The following CNTLN variants were observed in gnomAD, a reference collection of about 807,000 sequenced individuals.
CNTLN encodes centlein, centrosomal protein.
In CNTLN, 212 loss-of-function variants were observed where a neutral mutation model predicts 180.0. That is an observed-to-expected ratio of 1.18 (90% CI 1.05 to 1.32). The LOEUF is 1.32. CNTLN is among the 40% of genes most tolerant of loss of function. CNTLN has a pLI of 0.00. For synonymous variants in CNTLN, 722 were observed against 563.1 expected (o/e 1.28, Z -3.99); for missense variants, 2,095 against 1,610.9 (o/e 1.30, Z -5.14).
At chr9:17,241,501 T>C (rs766282283) in intron 5 of CNTLN, among the ~76,000 whole-genome samples, 13 of 152,074 alleles carry the variant, frequency 8.5e-5, no homozygotes, top group Non-Finnish European at 1.5e-4. Flanking sequence ...ATTCCTCCAG[T>C]TTTGTTCTTT....
In CNTLN at chr9:17,356,989, T is replaced by C. The variant is rs188960317; in HGVS notation, c.1887-9628T>C. ...GGTGAGAATGTATTATGAGTGTGTG[T>C]GTGTATATATACATATTTGTTTCTC... On this transcript the variant is annotated intron_variant, in intron 12 of 25. Transcript: ENST00000380647. 9.7e-4 allele frequency among the ~76,000 whole-genome samples: 147 copies of C among 152,220 alleles called. 1 individual carries two copies. Among genetic ancestry groups the C allele is most frequent in the African/African-American group, 3.4e-3 (143 of 41,546 alleles).
At chr9:17,307,734 G>A (rs992288338) in intron 7 of CNTLN, among the ~76,000 whole-genome samples, 1 of 151,882 alleles carries the variant, frequency 6.6e-6, no homozygotes, top group African/African-American at 2.4e-5. Context: ...TTTAAAAAAC[G>A]GAGGTAAACA....
At chr9:17,278,049 C>T (rs1158593355) in intron 6 of CNTLN, among the ~76,000 whole-genome samples, 1 of 152,088 alleles carries the variant, frequency 6.6e-6, no homozygotes, top group Non-Finnish European at 1.5e-5. Context: ...GACCAATAAC[C>T]TTAGACAGAG....
intron 18 of CNTLN, among the ~76,000 whole-genome samples, chr9:17,427,800 G>C (rs1466313874): frequency 6.6e-6 from 1 of 152,118 alleles, no homozygotes; most frequent in Non-Finnish European, 1.5e-5. Flanking sequence ...TACCATAGTA[G>C]TCATCTTTCC....
chr9:17,362,973 G>T (rs1022440384), intron 12 of CNTLN, among the ~76,000 whole-genome samples: 28 of 152,218 alleles, frequency 1.8e-4, no homozygotes, highest in Admixed American at 1.2e-3. Context: ...CCACTTATGA[G>T]TGAGAAAATG....
chr9:17,178,579 A>T (rs1193934387), intron 2 of CNTLN, among the ~76,000 whole-genome samples: 5 of 152,016 alleles, frequency 3.3e-5, no homozygotes, highest in Non-Finnish European at 7.4e-5. Flanking sequence ...CCCCACAGGG[A>T]GGCAGCTAAG....
intron 15 of CNTLN, among the ~76,000 whole-genome samples, chr9:17,399,115 C>T (rs1317799733): frequency 6.6e-6 from 1 of 152,196 alleles, no homozygotes; most frequent in South Asian, 2.1e-4. Flanking sequence ...TTTCCCTTAT[C>T]ACTTCTTTAA....
At chr9:17,429,428 A>G (rs4961561) in intron 18 of CNTLN, among the ~76,000 whole-genome samples, 7,987 of 152,108 alleles carry the variant, frequency 0.053, 496 homozygotes, top group East Asian at 0.26. Flanking sequence ...TTCTTCAATT[A>G]ATCATCTTCA....
intron 13 of CNTLN, among the ~76,000 whole-genome samples, chr9:17,373,361 G>C (rs1824486307): frequency 6.6e-6 from 1 of 152,004 alleles, no homozygotes; most frequent in South Asian, 2.1e-4. Context: ...AATCAAGAAA[G>C]CTAATTCCAT....
At chr9:17,394,121 C>G (rs1007528025) in intron 14 of CNTLN, among the ~76,000 whole-genome samples, 3 of 151,872 alleles carry the variant, frequency 2.0e-5, no homozygotes, top group African/African-American at 4.8e-5. Context: ...ATTGTCATTC[C>G]TTTTTCATAT....
At chr9:17,406,262 T>C (rs1243297699) in intron 15 of CNTLN, among the ~76,000 whole-genome samples, 1 of 151,862 alleles carries the variant, frequency 6.6e-6, no homozygotes, top group Non-Finnish European at 1.5e-5. Context: ...CCATTTCTTA[T>C]CAATTTTGTT....
chr9:17,148,289 T>C (rs557811982), intron 2 of CNTLN, among the ~76,000 whole-genome samples: 6 of 152,344 alleles, frequency 3.9e-5, no homozygotes, highest in African/African-American at 1.2e-4. Context: ...ACAGTAATGT[T>C]CTGTAAAGTC....
At chr9:17,203,596 G>T (rs143199861) in intron 2 of CNTLN, among the ~76,000 whole-genome samples, 6 of 151,878 alleles carry the variant, frequency 4.0e-5, no homozygotes, top group African/African-American at 1.5e-4. Context: ...TCACTCTGTC[G>T]CCAAGGCTGG....
intron 19 of CNTLN, among the ~76,000 whole-genome samples, chr9:17,459,228 C>CA (rs1831313836): frequency 6.6e-6 from 1 of 151,880 alleles, no homozygotes; most frequent in Non-Finnish European, 1.5e-5. Flanking sequence ...TTACTTACTA[C>CA]AAATGGTCTA....
intron 2 of CNTLN, among the ~76,000 whole-genome samples, chr9:17,172,788 A>G (rs1254047781): frequency 6.6e-6 from 1 of 152,164 alleles, no homozygotes; most frequent in African/African-American, 2.4e-5. Context: ...CTTTATTGCT[A>G]AGTCTACTTA....
chr9:17,518,695 C>T, the CNTLN span, among the ~76,000 whole-genome samples: 3 of 152,132 alleles, frequency 2.0e-5, no homozygotes, highest in African/African-American at 7.2e-5. Flanking sequence ...TTGTTTTAGG[C>T]AATGAAATGT....
At chr9:17,161,140 G>A (rs1466198929) in intron 2 of CNTLN, among the ~76,000 whole-genome samples, 1 of 152,016 alleles carries the variant, frequency 6.6e-6, no homozygotes, top group African/African-American at 2.4e-5. Context: ...TTATGTTGTT[G>A]AAAGTCAAAT....
At position 17,464,480 on chromosome 9, in the gene CNTLN, C is replaced by G; in HGVS notation, c.3405-17C>G. ...GTATTTTCTGTCACTCTTGATGTCA[C>G]CTTTTTTTTTTTCAAGGATATCTCG... On this transcript the variant is annotated splice_polypyrimidine_tract_variant and intron_variant, in intron 20 of 25. Coordinates refer to ENST00000380647, the MANE Select transcript of CNTLN (RefSeq NM_017738.4). The G allele has an allele frequency of 6.6e-7, 1 of 1,525,274 alleles. No homozygotes were observed. Among genetic ancestry groups the G allele is most frequent in the Non-Finnish European group, 8.7e-7 (1 of 1,144,612 alleles). 94.5% of individuals were successfully genotyped at this position (1,525,274 alleles called of 1,614,324 possible). A position where few individuals can be genotyped will look rare whatever the true frequency, so the allele number is the denominator to read the frequency against.
intron 25 of CNTLN, among the ~76,000 whole-genome samples, chr9:17,495,961 C>T (rs1833431593): frequency 1.3e-5 from 2 of 152,196 alleles, no homozygotes; most frequent in Non-Finnish European, 2.9e-5. Flanking sequence ...TAGGCCATAG[C>T]ATATTGCCTA....
Sources: allele counts gnomAD v4.1 joint callset (sites outside exome capture counted in the v4.1 genomes callset), GRCh38; gene constraint gnomAD v4.1.1; transcripts MANE v1.5; gene names NCBI Gene and HGNC (gene_info 2026-07-23, HGNC 2026-07-21).